Variants in LOC400499 observed in about 807,000 individuals in gnomAD.
At chr16:11,422,043 C>T in the LOC400499 span, among the ~76,000 whole-genome samples, 2 of 152,228 alleles carry the variant, frequency 1.3e-5, no homozygotes, top group African/African-American at 2.4e-5. Flanking sequence ...TTCAGTTCTC[C>T]GCCTGCCCCC....
At chr16:11,453,696 G>T in the LOC400499 span, among the ~76,000 whole-genome samples, 3 of 152,010 alleles carry the variant, frequency 2.0e-5, no homozygotes, top group Admixed American at 2.0e-4. Flanking sequence ...GGCCAGGTGC[G>T]GTGGCCCACA....
At chr16:11,455,826 TA>T in the LOC400499 span, among the ~76,000 whole-genome samples, 10 of 152,104 alleles carry the variant, frequency 6.6e-5, no homozygotes, top group African/African-American at 2.4e-4. Context: ...AATCAACTTT[TA>T]TAAACTTTAA....
chr16:11,415,812 G>A, the LOC400499 span, among the ~76,000 whole-genome samples: 18 of 152,020 alleles, frequency 1.2e-4, no homozygotes, highest in Non-Finnish European at 2.6e-4. Context: ...CATCCAGAAT[G>A]GCCTCCCCTC....
the LOC400499 span, among the ~76,000 whole-genome samples, chr16:11,391,048 C>T: frequency 1.3e-5 from 2 of 152,350 alleles, no homozygotes; most frequent in South Asian, 2.1e-4. Context: ...CTGTGAATAG[C>T]GCTGGGCGGA....
At chr16:11,416,811 G>T in the LOC400499 span, among the ~76,000 whole-genome samples, 1 of 152,264 alleles carries the variant, frequency 6.6e-6, no homozygotes, top group East Asian at 1.9e-4. Context: ...CAAGGTCCTG[G>T]GGCCGCAGCA....
At chr16:11,403,804 C>G in the LOC400499 span, among the ~76,000 whole-genome samples, 2 of 152,020 alleles carry the variant, frequency 1.3e-5, no homozygotes, top group South Asian at 4.2e-4. Flanking sequence ...CTGTTGTTGG[C>G]GCTGTGTCGG....
chr16:11,463,404 G>C, the LOC400499 span, among the ~76,000 whole-genome samples: 283 of 149,714 alleles, frequency 1.9e-3, 4 homozygotes, highest in African/African-American at 6.7e-3. Flanking sequence ...GAATGTGTGT[G>C]GATGTGTGTA....
At chr16:11,388,969 C>A in the LOC400499 span, among the ~76,000 whole-genome samples, 1 of 152,180 alleles carries the variant, frequency 6.6e-6, no homozygotes, top group African/African-American at 2.4e-5. Context: ...TGCTTGTAAT[C>A]CCAGCTACTT....
At chr16:11,419,639 G>A in the LOC400499 span, among the ~76,000 whole-genome samples, 1 of 152,136 alleles carries the variant, frequency 6.6e-6, no homozygotes, top group East Asian at 1.9e-4. Flanking sequence ...CACGGCAAAA[G>A]AAACTACCAT....
chr16:11,476,978 G>T, the LOC400499 span: 118,235 of 399,056 alleles, frequency 0.3, 18,570 homozygotes, highest in Admixed American at 0.46. Context: ...GCTGCATCCC[G>T]AGGGCCCTGG....
At chr16:11,499,868 C>G in the LOC400499 span, among the ~76,000 whole-genome samples, 2 of 152,192 alleles carry the variant, frequency 1.3e-5, no homozygotes, top group African/African-American at 2.4e-5. Context: ...GGTCTCAGGT[C>G]AGAATTGAGG....
the LOC400499 span, chr16:11,372,781 G>A: frequency 2.1e-6 from 2 of 935,112 alleles, no homozygotes; most frequent in Non-Finnish European, 2.6e-6. Context: ...ATGGGCCCCT[G>A]AGGAGAGGGG....
At chr16:11,382,344 G>A in the LOC400499 span, among the ~76,000 whole-genome samples, 1 of 152,298 alleles carries the variant, frequency 6.6e-6, no homozygotes, top group African/African-American at 2.4e-5. Flanking sequence ...CTGAATGGCA[G>A]CCACTAATTC....
the LOC400499 span, chr16:11,413,031 C>T: frequency 7.0e-5 from 28 of 398,238 alleles, no homozygotes; most frequent in Admixed American, 7.9e-4. Context: ...GGACCCCAGC[C>T]GAGCTCTATA....
chr16:11,470,348 G>A, the LOC400499 span, among the ~76,000 whole-genome samples: 1 of 152,188 alleles, frequency 6.6e-6, no homozygotes, highest in Non-Finnish European at 1.5e-5. Context: ...AGCCCAGAGG[G>A]GAACACACTC....
At chr16:11,446,217 T>C in the LOC400499 span, among the ~76,000 whole-genome samples, 1 of 152,132 alleles carries the variant, frequency 6.6e-6, no homozygotes, top group Non-Finnish European at 1.5e-5. Flanking sequence ...GGTGCAACCA[T>C]GGCTCACAGA....
At chr16:11,472,148 T>TG in the LOC400499 span, 6 of 220,134 alleles carry the variant, frequency 2.7e-5, no homozygotes, top group Admixed American at 1.2e-4. Context: ...AAATGTCTCC[T>TG]GGGGGGTCAA....
At chr16:11,510,498 CCTGT>C in the LOC400499 span, among the ~76,000 whole-genome samples, 2 of 151,696 alleles carry the variant, frequency 1.3e-5, no homozygotes, top group Non-Finnish European at 2.9e-5. Flanking sequence ...TCTTGGCGCC[CCTGT>C]CTAAGTCACT....
the LOC400499 span, among the ~76,000 whole-genome samples, chr16:11,525,104 C>T: frequency 1.1e-3 from 164 of 151,984 alleles, 1 homozygote; most frequent in South Asian, 3.3e-3. Flanking sequence ...GCCAGCATGG[C>T]GAAACCCCCT....
Sources: gnomAD v4.1 joint callset for allele counts (sites outside exome capture counted in the v4.1 genomes callset) on GRCh38, gnomAD v4.1.1 for gene constraint, MANE v1.5 for transcripts.